PIGR: variants seen among roughly 807,000 people sequenced by gnomAD.
PIGR encodes the protein polymeric immunoglobulin receptor.
In PIGR, 22 loss-of-function variants were observed where a neutral mutation model predicts 69.5. The ratio of observed to expected loss-of-function variants is 0.32; its 90% CI spans 0.23 to 0.45. The LOEUF is 0.45. Ranked by LOEUF, PIGR falls within the 20% of genes least tolerant of loss-of-function variation. The pLI is 1.00. For missense variants in PIGR, 885 were observed against 974.0 expected (o/e 0.91, Z 1.22); for synonymous variants, 413 against 407.6 (o/e 1.01, Z -0.16).
chr1:206,937,892 G>A (rs138537076), intron 3 of PIGR, 141 bp from the exon 4 acceptor site: 28 of 712,400 alleles, frequency 3.9e-5, no homozygotes, highest in Middle Eastern at 3.8e-4. Context: ...GAATGCTGTC[G>A]GAAGGCCCAG....
intron 7 of PIGR, 140 bp downstream of exon 7, chr1:206,932,845 TC>T: frequency 1.1e-6 from 1 of 871,390 alleles, no homozygotes; most frequent in Non-Finnish European, 1.8e-6. Flanking sequence ...CATAGGACCC[TC>T]CCACATATAA....
chr1:206,930,430 G>C lies in PIGR; in HGVS notation c.2200-17C>G. ...CTTGGATGACTAAGGGGCAAGAGGA[G>C]AGGCATCAGTGTTGGGGGCACTGGC... On this transcript the variant is annotated splice_polypyrimidine_tract_variant and intron_variant, in intron 10 of 10. Transcript: ENST00000356495. This position sits in a 1 kb window ranked among gnomAD's most constrained non-coding sequence, Gnocchi z 4.3. 6.2e-7 allele frequency: 1 copy of C among 1,611,622 alleles called. No homozygotes were observed. Among genetic ancestry groups the C allele is most frequent in the Non-Finnish European group, 8.5e-7 (1 of 1,178,858 alleles).
intron 10 of PIGR, 129 bp downstream of exon 10, chr1:206,931,368 G>T: frequency 6.3e-7 from 1 of 1,591,074 alleles, no homozygotes; most frequent in Non-Finnish European, 8.5e-7. Flanking sequence ...GACTCCTGAG[G>T]ACTATTTATA....
rs58368090 is a variant in PIGR at position 206,937,070 on chromosome 1, T to TC, written c.1045+24dup. 92,749 of 1,540,786 alleles carry TC rather than the reference T, an allele frequency of 0.06. 15,980 individuals carry two copies. The African/African-American group carries it at 0.62, about 10-fold the overall frequency. ...TCACCTGCGAGACTGCCCCACCTAC[T>TC]CCCCCTCCCTCTCTAGGGTCTTACC... On this transcript the variant is annotated intron_variant, in intron 4 of 10. Transcript: ENST00000356495.
Position 206,937,608 on chromosome 1 carries a change from C to T in PIGR, c.532G>A (p.Asp178Asn), listed in dbSNP as rs149018674. ...TTGGGATTTACATAACCACTGGAGT[C>T]GATGACCAGCACAGGGTACAGGCCT... Reference protein sequence around the residue: ...QIGLYPVLVIDSSGYVNPNYT... With the variant: ...QIGLYPVLVINSSGYVNPNYT... The change falls in exon 4 of 11, where the codon GAC becomes AAC. Residue 178 changes from aspartate (D) to asparagine (N), a missense_variant. Asp to Asn is a conservative substitution (Grantham distance 23). Coordinates refer to ENST00000356495, the MANE Select transcript of PIGR (RefSeq NM_002644.4). The T allele has an allele frequency of 1.3e-5, 21 of 1,613,782 alleles. No individual in the cohort carries two copies. The highest frequency in any genetic ancestry group is 1.8e-5 in the Non-Finnish European group (21 of 1,179,906).
At chr1:206,938,256 T>C (rs1156546934) in intron 3 of PIGR, among the ~76,000 whole-genome samples, 2 of 152,258 alleles carry the variant, frequency 1.3e-5, no homozygotes, top group Non-Finnish European at 2.9e-5. Context: ...AGTGAGTTTC[T>C]GCTAAAGTGC....
At position 206,939,416 on chromosome 1, in the gene PIGR, C is replaced by T; in HGVS notation, c.91G>A (p.Val31Met). The change falls in exon 3 of 11, where the codon GTG (valine) becomes ATG (methionine). Residue 31 changes from valine (V) to methionine (M), a missense_variant. Physicochemically the swap from Val to Met is conservative, Grantham distance 21 (BLOSUM62 1). Coordinates refer to ENST00000356495, the MANE Select transcript of PIGR (RefSeq NM_002644.4). ...GTGATGGACACTGAGTTACCTTCCA[C>T]ACTATTCACCTCCTCGGGACCAAAT... is the stretch of plus-strand genomic sequence containing the variant. The part of the protein sequence containing the change: ...PIFGPEEVNS[V>M]EGNSVSITCY... The T allele has an allele frequency of 2.5e-6, 4 of 1,612,632 alleles. No homozygotes were observed. The highest frequency in any genetic ancestry group is 3.4e-6 in the Non-Finnish European group (4 of 1,178,694).
At chr1:206,933,917 T>G (rs11119847) in intron 6 of PIGR, among the ~76,000 whole-genome samples, 1 of 151,630 alleles carries the variant, frequency 6.6e-6, no homozygotes. Flanking sequence ...TTGCCTAGGC[T>G]AGAGTGTGGT....
At position 206,934,671 on chromosome 1, in the gene PIGR, G is replaced by A; in HGVS notation, c.1454C>T (p.Pro485Leu). Reference sequence around the variant, plus strand: ...TTTCTCGTACGAGGAGAATTTGCATGGAAAGTGACAGGGGACCTTGAGAGT... The same window carrying A: ...TTTCTCGTACGAGGAGAATTTGCATAGAAAGTGACAGGGGACCTTGAGAGT... ...GETLKVPCHF[P>L]CKFSSYEKYW... Residue 485 changes from proline to leucine, a missense_variant, in exon 6 of 11, where the codon CCA becomes CTA. Coordinates refer to ENST00000356495, the MANE Select transcript of PIGR (RefSeq NM_002644.4). 6.2e-7 allele frequency: 1 copy of A among 1,613,924 alleles called. No homozygotes were observed. The highest frequency in any genetic ancestry group is 8.5e-7 in the Non-Finnish European group (1 of 1,180,002).
chr1:206,937,447 C>A lies in PIGR; in HGVS notation c.693G>T (p.Lys231Asn). 6.2e-7 allele frequency: 1 copy of A among 1,614,180 alleles called. No individual in the cohort carries two copies. The highest frequency in any genetic ancestry group is 8.5e-7 in the Non-Finnish European group (1 of 1,180,046). ...GCTTTAGCACTTGGAGGTCAGCATTCTTCTTATTACTATTGGAATCATCCC... is the reference window on the plus strand; with the variant it reads ...GCTTTAGCACTTGGAGGTCAGCATTATTCTTATTACTATTGGAATCATCCC... ...QAGDDSNSNK[K>N]NADLQVLKPE... The change falls in exon 4 of 11, where the codon AAG becomes AAT. Residue 231 changes from lysine to asparagine, a missense_variant. By Grantham distance (94) the Lys-to-Asn change is moderately conservative (BLOSUM62 0). Coordinates refer to ENST00000356495, the MANE Select transcript of PIGR (RefSeq NM_002644.4).
intron 10 of PIGR, chr1:206,931,036 G>T: frequency 1.0e-6 from 1 of 985,406 alleles, no homozygotes; most frequent in Non-Finnish European, 1.2e-6. Flanking sequence ...AGAGAAGTGA[G>T]CAGGGGCTTC....
chr1:206,935,460 CT>C lies in PIGR; in HGVS notation c.1378+25del, dbSNP rs1558013014. 6.3e-7 allele frequency: 1 copy of C among 1,577,390 alleles called. No homozygotes were observed. The highest frequency in any genetic ancestry group is 2.2e-5 in the East Asian group (1 of 44,466). On this transcript the variant is annotated intron_variant, in intron 5 of 10. Transcript: ENST00000356495. This position sits in a 1 kb window ranked among gnomAD's most constrained non-coding sequence, Gnocchi z 4.4. ...GCTGCTGGCTGGAGAGGTTTTAGAG[CT>C]TTCTCCCTCCCTGTCAACTCCTACC...
At position 206,930,887 on chromosome 1, in the gene PIGR, C is replaced by T. The variant is rs971093462; in HGVS notation, c.2200-474G>A. 2.0e-6 allele frequency: 2 copies of T among 984,472 alleles called. No individual in the cohort carries two copies. Among genetic ancestry groups the T allele is most frequent in the Non-Finnish European group, 1.2e-6 (1 of 829,078 alleles). The allele number at this position is 984,472 out of a possible 1,614,324, so 61.0% of individuals were successfully genotyped here. A position where few individuals can be genotyped will look rare whatever the true frequency, so the allele number is the denominator to read the frequency against. ...CAAGAAAAAGTAGATATGATAAAAA[C>T]AACAACAACAACAACAAAAACTCTC... On this transcript the variant is annotated intron_variant, in intron 10 of 10. Transcript: ENST00000356495. This position sits in a 1 kb window ranked among gnomAD's most constrained non-coding sequence, Gnocchi z 4.3.
chr1:206,937,416 G>A lies in PIGR; in HGVS notation c.724C>T (p.Pro242Ser). ...CTCAGGTCTTCATAAACCAGCTCGG[G>A]CTCGGGCTTTAGCACTTGGAGGTCA... is the stretch of plus-strand genomic sequence containing the variant. The part of the protein sequence containing the change: ...NADLQVLKPE[P>S]ELVYEDLRGS... Residue 242 changes from proline (P) to serine (S), a missense_variant, in exon 4 of 11, where the codon CCC (proline) becomes TCC (serine). Coordinates refer to ENST00000356495, the MANE Select transcript of PIGR (RefSeq NM_002644.4). 6.2e-7 allele frequency: 1 copy of A among 1,614,106 alleles called. No individual in the cohort carries two copies. The highest frequency in any genetic ancestry group is 8.5e-7 in the Non-Finnish European group (1 of 1,179,986).
intron 1 of PIGR, among the ~76,000 whole-genome samples, chr1:206,945,152 A>G (rs1321206676): frequency 1.3e-5 from 2 of 152,140 alleles, no homozygotes; most frequent in Non-Finnish European, 2.9e-5. Flanking sequence ...ACAAGGATGG[A>G]GAGAGAATTC....
Position 206,935,542 on chromosome 1 carries a change from C to A in PIGR, c.1322G>T (p.Cys441Phe). ...LTSRDAGFYW[C>F]LTNGDTLWRT... is the part of the protein sequence containing the mutation. ...CCAGAGAGTATCGCCGTTGGTCAGA[C>A]ACCAGTAGAAGCCGGCGTCCCGGCT... The change falls in exon 5 of 11, where the codon TGT becomes TTT. Residue 441 changes from cysteine to phenylalanine, a missense_variant. Coordinates refer to ENST00000356495, the MANE Select transcript of PIGR (RefSeq NM_002644.4). The surrounding 1 kb of genome is among the most constrained non-coding windows in gnomAD (Gnocchi z 4.4). 6.2e-7 allele frequency: 1 copy of A among 1,614,202 alleles called. No homozygotes were observed. Among genetic ancestry groups the A allele is most frequent in the Non-Finnish European group, 8.5e-7 (1 of 1,180,036 alleles).
At chr1:206,940,848 GCT>G (rs1679968652) in intron 1 of PIGR, among the ~76,000 whole-genome samples, 1 of 152,150 alleles carries the variant, frequency 6.6e-6, no homozygotes, top group Non-Finnish European at 1.5e-5. Context: ...TGTGTCATTT[GCT>G]CTGTTTCCCT....
intron 1 of PIGR, among the ~76,000 whole-genome samples, chr1:206,945,912 T>C (rs1178825754): frequency 6.6e-6 from 1 of 152,222 alleles, no homozygotes; most frequent in Non-Finnish European, 1.5e-5. Flanking sequence ...TGAACCCACA[T>C]TGACCCTGAA....
chr1:206,932,326 C>T, intron 8 of PIGR, 130 bp downstream of exon 8: 1 of 1,135,318 alleles, frequency 8.8e-7, no homozygotes, highest in Non-Finnish European at 1.2e-6. Flanking sequence ...TTTCCCCATC[C>T]TGCTTTCTCG....
Sources: allele counts gnomAD v4.1 joint callset (sites outside exome capture counted in the v4.1 genomes callset), GRCh38; gene constraint gnomAD v4.1.1; non-coding constraint Gnocchi (gnomAD v3.1); transcripts MANE v1.5; gene names NCBI Gene and HGNC (gene_info 2026-07-23, HGNC 2026-07-21).